SYNE2: variants seen among roughly 807,000 people sequenced by gnomAD.
The protein encoded by SYNE2 is spectrin repeat containing nuclear envelope protein 2.
A neutral mutation model predicts 856.3 loss-of-function variants in SYNE2; 431 were observed. The ratio of observed to expected loss-of-function variants is 0.50; its 90% CI spans 0.47 to 0.55. SYNE2 has a LOEUF of 0.55. SYNE2 is among the 20% of genes least tolerant of loss of function. The pLI is 0.00. For missense variants in SYNE2, 8,129 were observed against 8,023.2 expected (o/e 1.01, Z -0.50); for synonymous variants, 2,923 against 2,872.3 (o/e 1.02, Z -0.56).
chr14:63,909,122 A>G lies in SYNE2; in HGVS notation c.-27A>G, dbSNP rs2095442169. 2.0e-6 allele frequency: 3 copies of G among 1,498,418 alleles called. No individual in the cohort carries two copies. The highest frequency in any genetic ancestry group is 3.3e-5 in the Admixed American group (2 of 59,824). 92.8% of individuals were successfully genotyped at this position (1,498,418 alleles called of 1,614,324 possible). ...GTTCACTTCTTCAACTGAGATGGAC[A>G]TGATATAATCTCCATTGAGTCAAAG... On this transcript the variant is annotated 5_prime_UTR_variant, in exon 2 of 116. The change abolishes an upstream ATG in the 5' untranslated region. Coordinates refer to ENST00000555002, the MANE Select transcript of SYNE2 (RefSeq NM_182914.3).
At chr14:64,225,211 TA>T in intron 115 of SYNE2, 107 bp from the exon 116 acceptor site, 1 of 1,585,394 alleles carries the variant, frequency 6.3e-7, no homozygotes, top group Non-Finnish European at 8.7e-7. Context: ...TGGCCCTATT[TA>T]AATCTCAGGT....
chr14:63,959,393 G>T (rs1361382386), intron 8 of SYNE2, among the ~76,000 whole-genome samples: 3 of 148,306 alleles, frequency 2.0e-5, no homozygotes, highest in African/African-American at 5.0e-5. Flanking sequence ...CGCTTCCTGG[G>T]TTCAAGCAAT....
intron 1 of SYNE2, among the ~76,000 whole-genome samples, chr14:63,786,107 G>T (rs538786028): frequency 2.0e-5 from 3 of 152,154 alleles, no homozygotes; most frequent in African/African-American, 7.2e-5. Flanking sequence ...AAAAATAGCT[G>T]GGCATGGTGG....
intron 1 of SYNE2, among the ~76,000 whole-genome samples, chr14:63,763,396 G>T (rs1193351871): frequency 1.3e-5 from 2 of 151,824 alleles, no homozygotes; most frequent in Admixed American, 6.6e-5. Flanking sequence ...ACTTTATTTT[G>T]TTTACTTTTT....
At chr14:64,223,692 C>A (rs915546516) in intron 113 of SYNE2, among the ~76,000 whole-genome samples, 1 of 152,116 alleles carries the variant, frequency 6.6e-6, no homozygotes, top group African/African-American at 2.4e-5. Context: ...TCTTGAACTC[C>A]TGACCTCAAG....
chr14:64,122,207 A>C lies in SYNE2; in HGVS notation c.13280+74A>C. ...GAGAATTAAGAGTGTTTCTTTTAAA[A>C]ATTGCTCATAGAACTGTGAATGTAA... On this transcript the variant is annotated intron_variant, in intron 69 of 115. Coordinates refer to ENST00000555002, the MANE Select transcript of SYNE2 (RefSeq NM_182914.3). 4 of 1,614,004 alleles carry C rather than the reference A, an allele frequency of 2.5e-6. No individual in the cohort carries two copies. The South Asian group carries it at 4.4e-5, about 18-fold the overall frequency.
chr14:64,225,178 C>T, intron 115 of SYNE2, 133 bp downstream of exon 115: 1 of 1,549,396 alleles, frequency 6.5e-7, no homozygotes, highest in Admixed American at 1.8e-5. Context: ...TGGTTTTCTC[C>T]TCTGAAACTG....
intron 95 of SYNE2, among the ~76,000 whole-genome samples, chr14:64,175,739 CACTT>C (rs1418040050): frequency 6.6e-6 from 1 of 152,146 alleles, no homozygotes; most frequent in Non-Finnish European, 1.5e-5. Flanking sequence ...TCTCCAAGCT[CACTT>C]ACTTCTTATA....
chr14:63,884,816 A>T (rs1166936052), intron 1 of SYNE2, among the ~76,000 whole-genome samples: 29 of 151,962 alleles, frequency 1.9e-4, no homozygotes, highest in Admixed American at 1.5e-3. Flanking sequence ...ATATATATAT[A>T]TTTTTAGTAG....
At chr14:64,067,378 C>G (rs1433355353) in intron 51 of SYNE2, among the ~76,000 whole-genome samples, 1 of 152,170 alleles carries the variant, frequency 6.6e-6, no homozygotes, top group Non-Finnish European at 1.5e-5. Flanking sequence ...CTCAAATTCA[C>G]AAGGGGTAGA....
upstream of SYNE2, among the ~76,000 whole-genome samples, chr14:63,850,976 T>C (rs1188197989): frequency 2.6e-5 from 4 of 152,212 alleles, no homozygotes; most frequent in African/African-American, 4.8e-5. Context: ...ATGCTTTGTA[T>C]ACAGCTCCAC....
At chr14:64,223,510 C>T (rs1245810994) in intron 113 of SYNE2, 130 bp downstream of exon 113, 9 of 953,446 alleles carry the variant, frequency 9.4e-6, no homozygotes, top group South Asian at 1.4e-5. Context: ...GGCCTCATGT[C>T]GTGCCCTTTT....
At chr14:63,789,953 A>T (rs1265324358) in intron 1 of SYNE2, among the ~76,000 whole-genome samples, 1 of 152,176 alleles carries the variant, frequency 6.6e-6, no homozygotes, top group African/African-American at 2.4e-5. Flanking sequence ...TGAACTAGAA[A>T]GAAACTGAGA....
At chr14:63,858,174 GAC>G (rs1892376861) in intron 1 of SYNE2, among the ~76,000 whole-genome samples, 1 of 150,042 alleles carries the variant, frequency 6.7e-6, no homozygotes, top group Non-Finnish European at 1.5e-5. Flanking sequence ...GGAGTGCAGT[GAC>G]ACAGTCTCAG....
chr14:64,016,532 G>T lies in SYNE2; in HGVS notation c.4788G>T (p.Gln1596His). ...EHLEVVDKINQVCKNLQFYLN... is the reference protein window; with the variant it reads ...EHLEVVDKINHVCKNLQFYLN... ...TAGAAGTTGTAGACAAGATAAACCA[G>T]GTCTGCAAAAATCTACAATTTTATC... is the stretch of plus-strand genomic sequence containing the variant. Residue 1596 changes from glutamine to histidine, a missense_variant, in exon 33 of 116, where the codon CAG becomes CAT. Gln to His is a conservative substitution (Grantham distance 24, BLOSUM62 0). Around this residue, in one of 3 missense-constraint regions of SYNE2, gnomAD observed 2,422 missense variants for 2,357.4 expected, o/e 1.03. Coordinates refer to ENST00000555002, the MANE Select transcript of SYNE2 (RefSeq NM_182914.3). The T allele has an allele frequency of 6.2e-7, 1 of 1,603,470 alleles. No individual in the cohort carries two copies. Among genetic ancestry groups the T allele is most frequent in the Non-Finnish European group, 8.5e-7 (1 of 1,174,286 alleles).
At chr14:63,964,589 A>C (rs1433874999) in intron 10 of SYNE2, among the ~76,000 whole-genome samples, 1 of 151,932 alleles carries the variant, frequency 6.6e-6, no homozygotes, top group Non-Finnish European at 1.5e-5. Context: ...CAATGGTGCG[A>C]TCTTGGCTCA....
Position 64,138,995 on chromosome 14 carries a change from A to AT in SYNE2, c.14844-940dup, listed in dbSNP as rs1337767716. ...TGTGTGTGTGTATGTAATTTTATTT[A>AT]TTTTTTGAGACAGGGTCTCACTGTG... On this transcript the variant is annotated intron_variant, in intron 79 of 115. Coordinates refer to ENST00000555002, the MANE Select transcript of SYNE2 (RefSeq NM_182914.3). Among the ~76,000 whole-genome samples, 7 of 137,676 alleles carry AT rather than the reference A, an allele frequency of 5.1e-5. No individual in the cohort carries two copies. In the East Asian group the frequency reaches 1.2e-3, roughly 24 times the overall value. The allele number at this position is 137,676 out of a possible 152,430, so 90.3% of individuals were successfully genotyped here. A position where few individuals can be genotyped will look rare whatever the true frequency, so the allele number is the denominator to read the frequency against.
At chr14:64,028,164 C>G (rs945257688) in intron 43 of SYNE2, among the ~76,000 whole-genome samples, 6 of 152,074 alleles carry the variant, frequency 3.9e-5, no homozygotes, top group African/African-American at 1.4e-4. Flanking sequence ...CTTGGCCTCC[C>G]AAAGTGCTGG....
At chr14:64,026,533 CTAAG>C in intron 41 of SYNE2, 42 bp from the exon 42 acceptor site, 1 of 1,476,786 alleles carries the variant, frequency 6.8e-7, no homozygotes, top group Non-Finnish European at 9.4e-7. Context: ...TGTAGTATCT[CTAAG>C]TAATGCAAAT....
Sources: allele counts gnomAD v4.1 joint callset (sites outside exome capture counted in the v4.1 genomes callset), GRCh38; gene constraint gnomAD v4.1.1; regional missense constraint gnomAD v4.1.1; transcripts MANE v1.5; gene names NCBI Gene and HGNC (gene_info 2026-07-23, HGNC 2026-07-21).